Variants in PLEKHA6 observed in about 807,000 individuals in gnomAD.
PLEKHA6 encodes pleckstrin homology domain containing A6.
PLEKHA6 carries 60 observed loss-of-function variants against 116.7 expected under a neutral mutation model. That is an observed-to-expected ratio of 0.51 (90% confidence interval 0.42 to 0.64). The LOEUF is 0.64. Among genes scored for constraint, PLEKHA6 ranks in the 30% least tolerant of loss-of-function variants. PLEKHA6 has a pLI of 0.00. For synonymous variants in PLEKHA6, 489 were observed against 556.1 expected (o/e 0.88, Z 1.70); for missense variants, 1,338 against 1,422.7 (o/e 0.94, Z 0.96).
At chr1:204,273,096 C>T (rs926260225) in intron 3 of PLEKHA6, among the ~76,000 whole-genome samples, 1 of 152,184 alleles carries the variant, frequency 6.6e-6, no homozygotes, top group Non-Finnish European at 1.5e-5. Context: ...TCCTGGCCCT[C>T]TTTGCAACAT....
At chr1:204,305,543 GGAA>G (rs976713001) in intron 1 of PLEKHA6, among the ~76,000 whole-genome samples, 2 of 152,180 alleles carry the variant, frequency 1.3e-5, no homozygotes, top group Non-Finnish European at 2.9e-5. Context: ...CACTGCTTAG[GGAA>G]GAAGAGGGAT....
intron 1 of PLEKHA6, among the ~76,000 whole-genome samples, chr1:204,344,630 AAT>A (rs1361234770): frequency 4.2e-4 from 64 of 151,924 alleles, no homozygotes; most frequent in African/African-American, 1.4e-3. Context: ...AATATTTAAA[AAT>A]ATATAGAGTC....
chr1:204,264,450 G>A (rs774004014), intron 6 of PLEKHA6, among the ~76,000 whole-genome samples: 2 of 152,186 alleles, frequency 1.3e-5, no homozygotes, highest in Non-Finnish European at 2.9e-5. Context: ...TCTAATATTC[G>A]TTAAAGATTG....
At chr1:204,313,551 C>G (rs79665345) in intron 1 of PLEKHA6, 2 of 984,244 alleles carry the variant, frequency 2.0e-6, no homozygotes, top group African/African-American at 3.5e-5. Context: ...AGAAGCTGAC[C>G]TTGAGGCTAC....
intron 9 of PLEKHA6, chr1:204,255,643 C>G: frequency 1.4e-6 from 1 of 702,972 alleles, no homozygotes; most frequent in Non-Finnish European, 2.6e-6. Flanking sequence ...TCCAAATACT[C>G]TAGGTTTCTT....
At chr1:204,264,640 C>T (rs1467487474) in intron 6 of PLEKHA6, among the ~76,000 whole-genome samples, 1 of 152,156 alleles carries the variant, frequency 6.6e-6, no homozygotes, top group Admixed American at 6.6e-5. Flanking sequence ...ACTATTCCTG[C>T]CCCAGTAACA....
intron 9 of PLEKHA6, among the ~76,000 whole-genome samples, chr1:204,253,339 C>T (rs1664817448): frequency 6.6e-6 from 1 of 150,714 alleles, no homozygotes; most frequent in South Asian, 2.1e-4. Flanking sequence ...AAAAAACAAA[C>T]TTCCTTGTAA....
chr1:204,355,509 G>A (rs1200606011), intron 1 of PLEKHA6, among the ~76,000 whole-genome samples: 1 of 152,072 alleles, frequency 6.6e-6, no homozygotes, highest in Non-Finnish European at 1.5e-5. Flanking sequence ...GCACGATCTC[G>A]GCTCACTGCA....
intron 9 of PLEKHA6, among the ~76,000 whole-genome samples, chr1:204,253,485 G>A (rs889989094): frequency 6.6e-6 from 1 of 152,156 alleles, no homozygotes; most frequent in African/African-American, 2.4e-5. Context: ...TCGCGCCACT[G>A]CACTCCAGCC....
intron 1 of PLEKHA6, among the ~76,000 whole-genome samples, chr1:204,340,688 T>C (rs1316672858): frequency 6.6e-6 from 1 of 152,284 alleles, no homozygotes; most frequent in Middle Eastern, 3.4e-3. Flanking sequence ...GGAGCTGCTA[T>C]GGCTCTGGAA....
intron 1 of PLEKHA6, among the ~76,000 whole-genome samples, chr1:204,338,479 A>C (rs1163591250): frequency 6.6e-6 from 1 of 152,180 alleles, no homozygotes; most frequent in Non-Finnish European, 1.5e-5. Context: ...TGTGTGAAAA[A>C]GGGGAAAGCA....
At chr1:204,347,222 A>T in intron 1 of PLEKHA6, 2 of 1,121,500 alleles carry the variant, frequency 1.8e-6, no homozygotes, top group Non-Finnish European at 1.3e-6. Flanking sequence ...GAGAACATAC[A>T]TCGGGTGCCT....
Position 204,244,503 on chromosome 1 carries a change from C to T in PLEKHA6, c.2172+361G>A, listed in dbSNP as rs1663358828. On this transcript the variant is annotated intron_variant, in intron 15 of 22. Transcript: ENST00000272203. ...ACAGTCGAGCCCCAGAAAACACTTGCTGATTGACTGACTAGGAAACTGCTC... is the reference window on the plus strand; with the variant it reads ...ACAGTCGAGCCCCAGAAAACACTTGTTGATTGACTGACTAGGAAACTGCTC... 2.0e-5 allele frequency among the ~76,000 whole-genome samples: 3 copies of T among 152,234 alleles called. No individual in the cohort carries two copies. In the South Asian group the frequency reaches 6.2e-4, roughly 32 times the overall value.
At chr1:204,251,519 C>T (rs1174574511) in intron 9 of PLEKHA6, 2 of 702,462 alleles carry the variant, frequency 2.8e-6, no homozygotes, top group African/African-American at 1.7e-5. Context: ...TGCTGCCAGG[C>T]AGAGGTCTTA....
At chr1:204,321,768 C>A (rs1672070796) in intron 1 of PLEKHA6, among the ~76,000 whole-genome samples, 1 of 152,228 alleles carries the variant, frequency 6.6e-6, no homozygotes, top group Non-Finnish European at 1.5e-5. Context: ...TCAAATGCAT[C>A]TTTCATTCAA....
chr1:204,269,274 C>T (rs990209406), intron 3 of PLEKHA6, among the ~76,000 whole-genome samples: 5 of 142,540 alleles, frequency 3.5e-5, no homozygotes, highest in African/African-American at 1.3e-4. Flanking sequence ...TCCCGGTTTT[C>T]GTTACTTCCC....
intron 17 of PLEKHA6, among the ~76,000 whole-genome samples, chr1:204,237,991 G>A (rs1662299872): frequency 6.6e-6 from 1 of 152,200 alleles, no homozygotes; most frequent in South Asian, 2.1e-4. Context: ...CAGTGGTATG[G>A]GGCCTGTTGA....
Position 204,261,485 on chromosome 1 carries a change from C to T in PLEKHA6, c.382-37G>A, listed in dbSNP as rs1363816890. ...GGCAGCGTGTGGAGCTGGCCTCGGC[C>T]TCATCCACCCAGCACACAGTCACCT... On this transcript the variant is annotated intron_variant, in intron 6 of 22. Transcript: ENST00000272203. This position sits in a 1 kb window ranked among gnomAD's most constrained non-coding sequence, Gnocchi z 4.0. The T allele has an allele frequency of 6.4e-6, 10 of 1,571,980 alleles. No individual in the cohort carries two copies. Among genetic ancestry groups the T allele is most frequent in the African/African-American group, 1.4e-5 (1 of 74,036 alleles).
rs200497467 is a variant in PLEKHA6 at position 204,257,477 on chromosome 1, C to T, written c.1400G>A (p.Arg467His). ...GCGGACAGGGGAGTAAATGCGGGCA[C>T]GGCTGTAGGAGCCCTGGCTGGGTGA... ...PRSPSQGSYSRARIYSPVRSP... is the reference protein window; with the variant it reads ...PRSPSQGSYSHARIYSPVRSP... Residue 467 changes from arginine (R) to histidine (H), a missense_variant, in exon 9 of 23, where the codon CGT (arginine) becomes CAT (histidine). Transcript: ENST00000272203. The surrounding 1 kb of genome is among the most constrained non-coding windows in gnomAD (Gnocchi z 6.5). The T allele has an allele frequency of 3.8e-5, 60 of 1,577,356 alleles. No homozygotes were observed. In the East Asian group the frequency reaches 8.1e-4, roughly 21 times the overall value.
Sources: gnomAD v4.1 joint callset for allele counts (sites outside exome capture counted in the v4.1 genomes callset) on GRCh38, gnomAD v4.1.1 for gene constraint, Gnocchi (gnomAD v3.1) non-coding constraint, MANE v1.5 for transcripts, NCBI Gene and HGNC (gene_info 2026-07-23, HGNC 2026-07-21) for gene names.